The following CCDC117 variants were observed in gnomAD, a reference collection of about 807,000 sequenced individuals.
The protein encoded by CCDC117 is coiled-coil domain-containing protein 117.
In CCDC117, 1 loss-of-function variant was observed where a neutral mutation model predicts 23.5. The ratio of observed to expected loss-of-function variants is 0.04; its 90% CI spans 0.02 to 0.20. CCDC117 has a LOEUF of 0.20. Among genes scored for constraint, CCDC117 ranks in the 10% least tolerant of loss-of-function variants. CCDC117 has a pLI of 1.00. For missense variants in CCDC117, 383 were observed against 348.2 expected, an observed-to-expected ratio of 1.10 and a Z score of -0.80; for synonymous variants, 132 against 124.8, an observed-to-expected ratio of 1.06 and a Z score of -0.39.
intron 3 of CCDC117, among the ~76,000 whole-genome samples, chr22:28,782,099 G>A (rs1201873103): frequency 6.6e-6 from 1 of 151,602 alleles, no homozygotes; most frequent in East Asian, 1.9e-4. Flanking sequence ...CACCACCCCT[G>A]GCTAATCTTC....
chr22:28,783,010 C>T (rs529796732), intron 3 of CCDC117, among the ~76,000 whole-genome samples: 206 of 152,126 alleles, frequency 1.4e-3, no homozygotes, highest in Middle Eastern at 3.4e-3. Context: ...AAAACTTTTT[C>T]GTTAAATGAA....
At chr22:28,773,398 A>G (rs1000105391) in intron 1 of CCDC117, 6 of 269,176 alleles carry the variant, frequency 2.2e-5, no homozygotes, top group Non-Finnish European at 3.6e-5. Flanking sequence ...TATGCCAAGC[A>G]TGGGACAGAA....
In CCDC117 at chr22:28,783,499, T is replaced by G; in HGVS notation, c.465-9T>G. On this transcript the variant is annotated splice_polypyrimidine_tract_variant and intron_variant, in intron 3 of 4. Transcript: ENST00000249064. ...TTTTTTCTTTCTTCTGCTGCCTTAA[T>G]TGATTTAGGATAATTGATGAAGATG... The G allele has an allele frequency of 6.2e-7, 1 of 1,607,670 alleles. No homozygotes were observed. Among genetic ancestry groups the G allele is most frequent in the Non-Finnish European group, 8.5e-7 (1 of 1,178,268 alleles).
At chr22:28,784,720 T>C (rs989406112) in intron 4 of CCDC117, among the ~76,000 whole-genome samples, 1 of 152,234 alleles carries the variant, frequency 6.6e-6, no homozygotes, top group African/African-American at 2.4e-5. Context: ...TATAGCACTT[T>C]CTGCTTTTGG....
chr22:28,773,425 A>T, intron 1 of CCDC117: 1 of 365,658 alleles, frequency 2.7e-6, no homozygotes, highest in African/African-American at 2.0e-5. Flanking sequence ...CCTCTTAGTG[A>T]GATTATTTAA....
intron 2 of CCDC117, among the ~76,000 whole-genome samples, chr22:28,774,953 C>T (rs547458352): frequency 4.6e-5 from 7 of 152,202 alleles, no homozygotes; most frequent in African/African-American, 1.2e-4. Flanking sequence ...GAGAGGTTTA[C>T]GTAATTTCTC....
At chr22:28,777,161 C>T (rs1296585360) in intron 2 of CCDC117, among the ~76,000 whole-genome samples, 8 of 151,692 alleles carry the variant, frequency 5.3e-5, no homozygotes, top group Admixed American at 5.3e-4. Flanking sequence ...GCCTCAGCCT[C>T]CCATGTAGCT....
chr22:28,777,251 TC>T (rs1309915028), intron 2 of CCDC117, among the ~76,000 whole-genome samples: 1 of 151,802 alleles, frequency 6.6e-6, no homozygotes, highest in African/African-American at 2.4e-5. Flanking sequence ...GGTCTCAATC[TC>T]CTGACCTTGT....
rs746066434 is a variant in CCDC117, at chr22:28,783,523, TGAA to T, written c.485_487del (p.Glu162del). 1.9e-6 allele frequency: 3 copies of T among 1,613,464 alleles called. No homozygotes were observed. Among genetic ancestry groups the T allele is most frequent in the Non-Finnish European group, 1.7e-6 (2 of 1,179,786 alleles). ...ATTGATTTAGGATAATTGATGAAGA[TGAA>T]GAAGTTGAAGCTGACAGAAATGTTA... On this transcript the variant is annotated inframe_deletion, in exon 4 of 5. Transcript: ENST00000249064.
At chr22:28,775,716 A>G (rs1225508783) in intron 2 of CCDC117, among the ~76,000 whole-genome samples, 1 of 151,848 alleles carries the variant, frequency 6.6e-6, no homozygotes, top group East Asian at 1.9e-4. Context: ...GACCAATTTG[A>G]TGAAACCCCG....
intron 2 of CCDC117, 84 bp from the exon 3 acceptor site, chr22:28,780,864 C>G: frequency 1.9e-6 from 2 of 1,038,528 alleles, no homozygotes; most frequent in South Asian, 1.6e-5. Context: ...TTTTTAAATA[C>G]AAAAACTTGA....
At chr22:28,783,377 T>A in intron 3 of CCDC117, 131 bp from the exon 4 acceptor site, 1 of 801,396 alleles carries the variant, frequency 1.2e-6, no homozygotes, top group Non-Finnish European at 1.9e-6. Context: ...AGCCTCATTT[T>A]TTGCTTGTTC....
chr22:28,774,775 GTTTTTC>G (rs1477371356), intron 2 of CCDC117, among the ~76,000 whole-genome samples: 5 of 151,878 alleles, frequency 3.3e-5, no homozygotes, highest in South Asian at 2.1e-4. Flanking sequence ...GTTCACAAGT[GTTTTTC>G]TTTTTCTTTC....
chr22:28,786,682 AGAT>A lies in CCDC117; in HGVS notation c.*360_*362del, dbSNP rs138605810. 0.018 allele frequency: 3,750 copies of A among 204,498 alleles called. 47 individuals carry two copies. Among genetic ancestry groups the A allele is most frequent in the Non-Finnish European group, 0.028 (2,728 of 99,142 alleles). The allele number at this position is 204,498 out of a possible 1,614,324, so 12.7% of individuals were successfully genotyped here. ...GAGAATATTCTCCTTGAATTAAAAA[AGAT>A]GATTAAGAAGGATGCTCCTACAACT... On this transcript the variant is annotated 3_prime_UTR_variant, in exon 5 of 5. Transcript: ENST00000249064.
Position 28,788,289 on chromosome 22 carries a change from C to T in CCDC117, c.*1963C>T, listed in dbSNP as rs2146258901. 1.3e-5 allele frequency: 2 copies of T among 152,670 alleles called. No homozygotes were observed. Among genetic ancestry groups the T allele is most frequent in the South Asian group, 4.1e-4 (2 of 4,826 alleles). The allele number at this position is 152,670 out of a possible 1,614,324, so 9.5% of individuals were successfully genotyped here. A position where few individuals can be genotyped will look rare whatever the true frequency, so the allele number is the denominator to read the frequency against. ...TGGGACCAACTTGTAAAGTATGAGC[C>T]TTAAATAAATCTCCATGCTGAAAAA... On this transcript the variant is annotated 3_prime_UTR_variant, in exon 5 of 5. Transcript: ENST00000249064.
At chr22:28,780,190 A>G (rs546331168) in intron 2 of CCDC117, among the ~76,000 whole-genome samples, 2 of 152,212 alleles carry the variant, frequency 1.3e-5, no homozygotes, top group Admixed American at 6.5e-5. Flanking sequence ...TAAAGTTTCT[A>G]TGAAATACAA....
chr22:28,784,055 T>C (rs1394719956), intron 4 of CCDC117, among the ~76,000 whole-genome samples: 1 of 152,162 alleles, frequency 6.6e-6, no homozygotes, highest in African/African-American at 2.4e-5. Context: ...GTGAAAGCAG[T>C]TGCTGCAAAG....
At chr22:28,782,578 G>T (rs368690107) in intron 3 of CCDC117, among the ~76,000 whole-genome samples, 1 of 151,900 alleles carries the variant, frequency 6.6e-6, no homozygotes, top group African/African-American at 2.4e-5. Flanking sequence ...AGCTGGGATT[G>T]CAGGTGCCTG....
intron 4 of CCDC117, among the ~76,000 whole-genome samples, 194 bp downstream of exon 4, chr22:28,783,839 C>T (rs117327764): frequency 3.4e-4 from 52 of 152,216 alleles, no homozygotes; most frequent in South Asian, 1.7e-3. Context: ...GGGGAAGTGG[C>T]TGCCTTGCCT....
Sources: allele counts gnomAD v4.1 joint callset (sites outside exome capture counted in the v4.1 genomes callset), GRCh38; gene constraint gnomAD v4.1.1; transcripts MANE v1.5; gene names NCBI Gene and HGNC (gene_info 2026-07-23, HGNC 2026-07-21).